GRID2: variants seen among roughly 807,000 people sequenced by gnomAD.
GRID2 encodes the protein glutamate ionotropic receptor delta type subunit 2.
A neutral mutation model predicts 114.8 loss-of-function variants in GRID2; 33 were observed. The ratio of observed to expected loss-of-function variants is 0.29; its 90% CI spans 0.22 to 0.38. GRID2 has a LOEUF of 0.38. GRID2 is among the 10% of genes least tolerant of loss of function. GRID2 has a pLI of 1.00. For missense variants in GRID2, 1,184 were observed against 1,257.7 expected (o/e 0.94, Z 0.89); for synonymous variants, 505 against 449.9 (o/e 1.12, Z -1.55).
chr4:92,641,755 C>A (rs1406201563), intron 2 of GRID2, among the ~76,000 whole-genome samples: 3 of 151,496 alleles, frequency 2.0e-5, no homozygotes, highest in Non-Finnish European at 4.4e-5. Flanking sequence ...AGTATAGTAC[C>A]CAATAGGTAG....
At chr4:92,537,208 A>T (rs1725682447) in intron 1 of GRID2, among the ~76,000 whole-genome samples, 1 of 152,158 alleles carries the variant, frequency 6.6e-6, no homozygotes, top group African/African-American at 2.4e-5. Context: ...GAGATGAGGG[A>T]TTCACTTTGG....
intron 1 of GRID2, among the ~76,000 whole-genome samples, chr4:93,782,931 CTA>C (rs1734509357): frequency 6.6e-6 from 1 of 151,436 alleles, no homozygotes. Context: ...ACAAACTAAT[CTA>C]TCTTATAAAA....
At chr4:93,679,753 G>C (rs1449190648) in intron 14 of GRID2, among the ~76,000 whole-genome samples, 2 of 150,980 alleles carry the variant, frequency 1.3e-5, no homozygotes, top group East Asian at 1.9e-4. Context: ...CAACATACCA[G>C]AATCTCTGGG....
intron 1 of GRID2, among the ~76,000 whole-genome samples, chr4:92,513,855 T>C (rs865895253): frequency 2.2e-4 from 34 of 151,926 alleles, no homozygotes; most frequent in African/African-American, 7.7e-4. Flanking sequence ...ATATATTTTA[T>C]GTGAGTTTAA....
intron 2 of GRID2, among the ~76,000 whole-genome samples, chr4:92,613,871 C>G (rs768205049): frequency 2.6e-5 from 4 of 151,068 alleles, no homozygotes; most frequent in East Asian, 1.9e-4. Context: ...TTCCTTACTT[C>G]TGTTTAATTT....
intron 14 of GRID2, among the ~76,000 whole-genome samples, chr4:93,761,307 T>C (rs192492814): frequency 6.6e-6 from 1 of 152,334 alleles, no homozygotes; most frequent in Admixed American, 6.5e-5. Flanking sequence ...TTAAGCCACC[T>C]CAACTTCAAT....
At chr4:93,099,460 T>G (rs1731515847) in intron 3 of GRID2, among the ~76,000 whole-genome samples, 1 of 151,844 alleles carries the variant, frequency 6.6e-6, no homozygotes, top group South Asian at 2.1e-4. Flanking sequence ...TATATAAATC[T>G]CCACTGTAAT....
intron 8 of GRID2, among the ~76,000 whole-genome samples, chr4:93,370,362 A>G (rs536457620): frequency 6.6e-6 from 1 of 151,586 alleles, no homozygotes; most frequent in African/African-American, 2.4e-5. Flanking sequence ...GCTTCATAAT[A>G]CTACACACAC....
chr4:92,381,322 C>T (rs965998395), intron 1 of GRID2, among the ~76,000 whole-genome samples: 3 of 151,982 alleles, frequency 2.0e-5, no homozygotes, highest in African/African-American at 7.2e-5. Flanking sequence ...TCACCTCGAT[C>T]ACTCGATCAC....
chr4:93,553,170 G>A (rs1269256088), intron 13 of GRID2, among the ~76,000 whole-genome samples: 1 of 152,142 alleles, frequency 6.6e-6, no homozygotes, highest in Non-Finnish European at 1.5e-5. Context: ...CCTGAGTCAA[G>A]TGGTACTTCT....
chr4:93,673,871 A>C (rs949524219), intron 14 of GRID2, among the ~76,000 whole-genome samples: 25 of 152,146 alleles, frequency 1.6e-4, no homozygotes, highest in African/African-American at 5.3e-4. Flanking sequence ...GGTTAGTTAC[A>C]TTGATTTTCA....
At position 93,772,598 on chromosome 4, in the gene GRID2, A is replaced by T; in HGVS notation, c.*100A>T. Reference sequence around the variant, plus strand: ...AACATGGATGTAACGTTTAAAAAAAAGATCAGGATTATTAGTAACAATTCT... The same window carrying T: ...AACATGGATGTAACGTTTAAAAAAATGATCAGGATTATTAGTAACAATTCT... On this transcript the variant is annotated 3_prime_UTR_variant, in exon 16 of 16. Transcript: ENST00000282020. The T allele has an allele frequency of 1.2e-6, 1 of 833,654 alleles. No individual in the cohort carries two copies. The highest frequency in any genetic ancestry group is 1.9e-6 in the Non-Finnish European group (1 of 536,888). The allele number at this position is 833,654 out of a possible 1,614,324, so 51.6% of individuals were successfully genotyped here.
chr4:93,488,382 A>G (rs1292682412), intron 11 of GRID2, among the ~76,000 whole-genome samples: 1 of 151,960 alleles, frequency 6.6e-6, no homozygotes, highest in Non-Finnish European at 1.5e-5. Context: ...TGAATATAAT[A>G]CATCAGGGGA....
chr4:93,490,713 A>C lies in GRID2; in HGVS notation c.1933A>C (p.Ile645Leu). 6.2e-7 allele frequency: 1 copy of C among 1,610,386 alleles called. No individual in the cohort carries two copies. Among genetic ancestry groups the C allele is most frequent in the Non-Finnish European group, 8.5e-7 (1 of 1,177,228 alleles). Residue 645 changes from isoleucine to leucine, a missense_variant, in exon 12 of 16, where the codon ATC (isoleucine) becomes CTC (leucine). Physicochemically the swap from Ile to Leu is conservative, Grantham distance 5. This residue lies in a region of GRID2 where 717 missense variants were observed against 796.9 expected (regional missense o/e 0.90). Transcript: ENST00000282020. ...TTGGTGGCTATTTGCTTTGATTGTT[A>C]TCTCATCTTACACGGCAAACCTCGC... ...GAWWLFALIVISSYTANLAAF... is the reference protein window; with the variant it reads ...GAWWLFALIVLSSYTANLAAF...
intron 7 of GRID2, among the ~76,000 whole-genome samples, chr4:93,236,277 G>A (rs945612179): frequency 2.0e-5 from 3 of 151,922 alleles, no homozygotes; most frequent in Non-Finnish European, 4.4e-5. Flanking sequence ...CAGGTATATT[G>A]CCCTTATCAA....
chr4:93,294,479 C>G (rs1282955018), intron 8 of GRID2, among the ~76,000 whole-genome samples: 1 of 152,094 alleles, frequency 6.6e-6, no homozygotes, highest in Non-Finnish European at 1.5e-5. Flanking sequence ...TGTGTGTACA[C>G]ACACATGGCA....
intron 9 of GRID2, among the ~76,000 whole-genome samples, chr4:93,403,890 A>C (rs1766154291): frequency 1.3e-5 from 2 of 152,178 alleles, no homozygotes; most frequent in South Asian, 4.1e-4. Flanking sequence ...TCCCAAGAGA[A>C]ATGAAAACAT....
intron 14 of GRID2, among the ~76,000 whole-genome samples, chr4:93,678,029 A>G (rs1177477445): frequency 2.6e-5 from 4 of 152,130 alleles, no homozygotes; most frequent in African/African-American, 9.7e-5. Flanking sequence ...GAAAACTTGG[A>G]AAAAATTTAG....
intron 2 of GRID2, among the ~76,000 whole-genome samples, chr4:93,007,552 A>T (rs1038612603): frequency 1.4e-4 from 22 of 152,050 alleles, no homozygotes; most frequent in African/African-American, 5.1e-4. Context: ...ACTTAAAATT[A>T]TTTTGTGAAT....
Sources: allele counts gnomAD v4.1 joint callset (sites outside exome capture counted in the v4.1 genomes callset), GRCh38; gene constraint gnomAD v4.1.1; regional missense constraint gnomAD v4.1.1; transcripts MANE v1.5; gene names NCBI Gene and HGNC (gene_info 2026-07-23, HGNC 2026-07-21).